RNF24: variants seen among roughly 807,000 people sequenced by gnomAD.
RNF24 encodes the protein ring finger protein 24.
In RNF24, 14 loss-of-function variants were observed where a neutral mutation model predicts 20.0. The ratio of observed to expected loss-of-function variants is 0.70; its 90% CI spans 0.46 to 1.10. The LOEUF is 1.10. Among genes scored for constraint, RNF24 ranks in the 50% least tolerant of loss-of-function variants. The pLI, the probability that RNF24 is intolerant of heterozygous loss-of-function variation, is 0.00. For synonymous variants in RNF24, 45 were observed against 61.1 expected, an observed-to-expected ratio of 0.74 and a Z score of 1.23; for missense variants, 124 against 177.6, an observed-to-expected ratio of 0.70 and a Z score of 1.71.
intron 4 of RNF24, among the ~76,000 whole-genome samples, chr20:3,944,253 GT>G (rs1476884544): frequency 6.7e-6 from 1 of 150,130 alleles, no homozygotes; most frequent in East Asian, 1.9e-4. Flanking sequence ...TAATGCTTCA[GT>G]TTAATCCAAG....
chr20:4,011,768 C>T (rs561805778), intron 1 of RNF24, among the ~76,000 whole-genome samples: 20 of 152,318 alleles, frequency 1.3e-4, no homozygotes, highest in African/African-American at 4.6e-4. Flanking sequence ...ATAACAGGTA[C>T]ACTGTCAGTC....
At chr20:4,006,578 C>A (rs566000132) in intron 1 of RNF24, among the ~76,000 whole-genome samples, 4 of 152,308 alleles carry the variant, frequency 2.6e-5, no homozygotes, top group Admixed American at 2.0e-4. Context: ...CACTACAGTT[C>A]ATTGCAACTT....
chr20:3,945,532 T>C (rs1166387629), intron 3 of RNF24, among the ~76,000 whole-genome samples: 1 of 152,052 alleles, frequency 6.6e-6, no homozygotes, highest in Non-Finnish European at 1.5e-5. Flanking sequence ...CTGGTCAACA[T>C]AGTGAAACCC....
intron 1 of RNF24, chr20:3,974,188 C>A (rs1978654089): frequency 7.9e-6 from 6 of 755,264 alleles, no homozygotes; most frequent in South Asian, 2.8e-5. Context: ...AATTAAAAAA[C>A]TCCCAGAAAT....
chr20:3,966,133 CAAAAAAAAAAAAAA>C lies in RNF24; in HGVS notation c.-7-2123_-7-2110del, dbSNP rs574975352. On this transcript the variant is annotated intron_variant, in intron 1 of 5. Coordinates refer to ENST00000358395, the MANE Select transcript of RNF24 (RefSeq NM_001134337.3). ...TGGGTGACAGAGCGAGATTCCATCT[CAAAAAAAAAAAAAA>C]AAAAAAAAAAAAGAAGAAAATAAGA... Among the ~76,000 whole-genome samples, 50 of 81,476 alleles carry C rather than the reference CAAAAAAAAAAAAAA, an allele frequency of 6.1e-4. 1 individual carries two copies. In the Admixed American group the frequency reaches 6.5e-3, roughly 11 times the overall value. The allele number at this position is 81,476 out of a possible 152,430, so 53.5% of individuals were successfully genotyped here. A position where few individuals can be genotyped will look rare whatever the true frequency, so the allele number is the denominator to read the frequency against.
At chr20:4,006,062 C>T (rs1359486466) in intron 1 of RNF24, among the ~76,000 whole-genome samples, 2 of 152,112 alleles carry the variant, frequency 1.3e-5, no homozygotes, top group Non-Finnish European at 2.9e-5. Context: ...AGACTACATA[C>T]ATAATTAACC....
At chr20:3,965,843 A>G (rs1270395302) in intron 1 of RNF24, among the ~76,000 whole-genome samples, 1 of 152,166 alleles carries the variant, frequency 6.6e-6, no homozygotes, top group Non-Finnish European at 1.5e-5. Context: ...CTTAGAAAAT[A>G]AGGGATTAGG....
At chr20:3,950,908 T>A (rs2091073785) in intron 2 of RNF24, among the ~76,000 whole-genome samples, 1 of 152,184 alleles carries the variant, frequency 6.6e-6, no homozygotes, top group Admixed American at 6.5e-5. Flanking sequence ...TATTATCCAA[T>A]CCAGGATCCC....
chr20:3,957,170 C>T (rs761725582), intron 2 of RNF24, among the ~76,000 whole-genome samples: 6 of 151,646 alleles, frequency 4.0e-5, no homozygotes, highest in East Asian at 1.9e-4. Flanking sequence ...TGGTGGTACA[C>T]GCCTGTAATC....
intron 1 of RNF24, chr20:3,974,194 G>A: frequency 1.2e-6 from 1 of 813,414 alleles, no homozygotes. Flanking sequence ...AAAACTCCCA[G>A]AAATAGAAAT....
At chr20:3,939,780 T>C (rs931623782) in intron 4 of RNF24, among the ~76,000 whole-genome samples, 1 of 152,182 alleles carries the variant, frequency 6.6e-6, no homozygotes, top group Non-Finnish European at 1.5e-5. Flanking sequence ...GGTAAATACT[T>C]TGGATATTAC....
At chr20:3,962,549 TTTACAA>T (rs1444207807) in intron 2 of RNF24, among the ~76,000 whole-genome samples, 2 of 150,574 alleles carry the variant, frequency 1.3e-5, no homozygotes, top group African/African-American at 5.0e-5. Flanking sequence ...TGCTTTGGTG[TTTACAA>T]TTACAAACAC....
chr20:3,964,784 C>T (rs927865550), intron 1 of RNF24, among the ~76,000 whole-genome samples: 1 of 152,144 alleles, frequency 6.6e-6, no homozygotes, highest in Non-Finnish European at 1.5e-5. Flanking sequence ...TCCCAAAGTG[C>T]TGGTATTATA....
intron 2 of RNF24, among the ~76,000 whole-genome samples, chr20:3,961,556 G>A (rs2091202304): frequency 6.6e-6 from 1 of 152,056 alleles, no homozygotes; most frequent in African/African-American, 2.4e-5. Flanking sequence ...TCACAAATTG[G>A]TACATTAGTG....
chr20:3,948,938 T>A (rs1214557491), intron 2 of RNF24, among the ~76,000 whole-genome samples: 1 of 152,242 alleles, frequency 6.6e-6, no homozygotes, highest in East Asian at 1.9e-4. Flanking sequence ...TACCATTTAT[T>A]TATCCATTTT....
rs187674184 is a variant in RNF24, at chr20:3,982,972, G to C, written c.-7-18948C>G. On this transcript the variant is annotated intron_variant, in intron 1 of 5. Coordinates refer to ENST00000358395, the MANE Select transcript of RNF24 (RefSeq NM_001134337.3). ...ATGAATGGATTAATGCCATTACCAA[G>C]GAAGTGGGTTCCTTATAAAAGGAAG... Among the ~76,000 whole-genome samples, 9 of 152,286 alleles carry C rather than the reference G, an allele frequency of 5.9e-5. No individual in the cohort carries two copies. In the East Asian group the frequency reaches 1.7e-3, roughly 29 times the overall value.
intron 1 of RNF24, among the ~76,000 whole-genome samples, chr20:4,006,078 T>C (rs1255863323): frequency 6.6e-6 from 1 of 152,192 alleles, no homozygotes; most frequent in South Asian, 2.1e-4. Context: ...TAACCTTCTA[T>C]AGAATCTATG....
chr20:3,968,805 A>G (rs1292930557), intron 1 of RNF24, among the ~76,000 whole-genome samples: 1 of 152,188 alleles, frequency 6.6e-6, no homozygotes, highest in African/African-American at 2.4e-5. Flanking sequence ...AAATGGATAC[A>G]CTGGGTTCTA....
At chr20:3,974,263 C>T in intron 1 of RNF24, 1 of 1,496,530 alleles carries the variant, frequency 6.7e-7, no homozygotes. Context: ...CGGCAAAAAC[C>T]AACCAAACAA....
Sources: gnomAD v4.1 joint callset for allele counts (sites outside exome capture counted in the v4.1 genomes callset) on GRCh38, gnomAD v4.1.1 for gene constraint, MANE v1.5 for transcripts, NCBI Gene and HGNC (gene_info 2026-07-23, HGNC 2026-07-21) for gene names.